Variants in DLG2 observed in about 807,000 individuals in gnomAD.
DLG2 encodes the protein disks large homolog 2.
DLG2 carries 45 observed loss-of-function variants against 132.5 expected under a neutral mutation model. The observed-to-expected ratio is 0.34, with a 90% CI of 0.27 to 0.44. The LOEUF is 0.44. DLG2 is among the 20% of genes least tolerant of loss of function. The pLI, the probability that DLG2 is intolerant of heterozygous loss-of-function variation, is 1.00. For missense variants in DLG2, 1,045 were observed against 1,196.9 expected, an observed-to-expected ratio of 0.87 and a Z score of 1.87; for synonymous variants, 424 against 419.6, an observed-to-expected ratio of 1.01 and a Z score of -0.13.
intron 3 of DLG2, among the ~76,000 whole-genome samples, chr11:85,361,574 T>G (rs1231877984): frequency 6.6e-6 from 1 of 152,240 alleles, no homozygotes. Context: ...TATCTGTTTC[T>G]GAGTTATTTC....
chr11:84,432,884 T>G (rs1450780930), intron 7 of DLG2, among the ~76,000 whole-genome samples: 1 of 152,012 alleles, frequency 6.6e-6, no homozygotes, highest in Non-Finnish European at 1.5e-5. Context: ...ATTAGTCAGC[T>G]GTGGTGGCAC....
chr11:83,722,054 C>CT (rs1251598318), intron 18 of DLG2, among the ~76,000 whole-genome samples: 3 of 152,066 alleles, frequency 2.0e-5, no homozygotes, highest in Admixed American at 6.6e-5. Context: ...TCCAACTACT[C>CT]TTTTTTCCAA....
At chr11:85,434,597 ACATATACCCTCC>A (rs1435158091) in intron 3 of DLG2, among the ~76,000 whole-genome samples, 9 of 152,216 alleles carry the variant, frequency 5.9e-5, no homozygotes, top group Admixed American at 5.9e-4. Context: ...ATTCCTGGAC[ACATATACCCTCC>A]CAAGAGTAAA....
At position 83,860,273 on chromosome 11, in the gene DLG2, C is replaced by T. The variant is rs114831062; in HGVS notation, c.1565+14147G>A. On this transcript the variant is annotated intron_variant, in intron 16 of 27. Transcript: ENST00000376104. The stretch of plus-strand genomic sequence containing the variant: ...GTTTGCATTATGCGCCTGAAGAAAC[C>T]GCAGACACTCAATACCAGCCCATGA... Among the ~76,000 whole-genome samples, 622 of 152,184 alleles carry T rather than the reference C, an allele frequency of 4.1e-3. 3 individuals carry two copies. The highest frequency in any genetic ancestry group is 0.014 in the African/African-American group (590 of 41,530).
At chr11:83,691,868 T>C (rs1314753913) in intron 18 of DLG2, among the ~76,000 whole-genome samples, 1 of 152,202 alleles carries the variant, frequency 6.6e-6, no homozygotes, top group East Asian at 1.9e-4. Flanking sequence ...ATAATTTCTG[T>C]GGCTGCCCAA....
chr11:84,600,127 A>AGAAAGAAAGAAAGAAG (rs1481902379), intron 6 of DLG2, among the ~76,000 whole-genome samples: 1 of 127,374 alleles, frequency 7.9e-6, no homozygotes, highest in Non-Finnish European at 1.7e-5. Flanking sequence ...GGAAAGAAAG[A>AGAAAGAAAGAAAGAAG]GAAAGAAAGA....
chr11:85,046,377 T>C (rs560487850), intron 6 of DLG2, among the ~76,000 whole-genome samples: 8 of 151,966 alleles, frequency 5.3e-5, no homozygotes, highest in Non-Finnish European at 8.8e-5. Context: ...AGCATAGAAA[T>C]GGAATTATGA....
rs150458714 is a variant in DLG2 at position 85,488,166 on chromosome 11, G to A, written c.40+110491C>T. Among the ~76,000 whole-genome samples, 672 of 152,266 alleles carry A rather than the reference G, an allele frequency of 4.4e-3. 9 individuals are homozygous for A. The highest frequency in any genetic ancestry group is 0.015 in the African/African-American group (608 of 41,564). ...AACACTTTGGGAGGCTGAAGTGGGC[G>A]GATCACGAGGTCAGGAGTTTAAGAC... On this transcript the variant is annotated intron_variant, in intron 3 of 27. Transcript: ENST00000376104.
intron 3 of DLG2, among the ~76,000 whole-genome samples, chr11:85,430,991 A>G (rs758054820): frequency 3.9e-5 from 6 of 152,140 alleles, no homozygotes; most frequent in Non-Finnish European, 8.8e-5. Context: ...GAAACAGAAA[A>G]ACAGTGTAAA....
chr11:84,378,666 C>G (rs757895138), intron 7 of DLG2, among the ~76,000 whole-genome samples: 17 of 151,816 alleles, frequency 1.1e-4, no homozygotes, highest in African/African-American at 1.7e-4. Flanking sequence ...CGCGGTGGCT[C>G]ACACCTGTAA....
chr11:83,538,915 A>AT (rs1379468072), intron 20 of DLG2, among the ~76,000 whole-genome samples: 1 of 152,094 alleles, frequency 6.6e-6, no homozygotes, highest in Admixed American at 6.6e-5. Context: ...GCTAGCTCTT[A>AT]TTTTTGTATC....
rs1269877302 is a variant in DLG2, at chr11:85,554,578, A to G, written c.40+44079T>C. The stretch of plus-strand genomic sequence containing the variant: ...TAGTTCATAGCTTGGCTTTGAAGGA[A>G]GGAAGACAACAGTCCCTCCCTAAAA... On this transcript the variant is annotated intron_variant, in intron 3 of 27. Transcript: ENST00000376104. 2.0e-5 allele frequency among the ~76,000 whole-genome samples: 3 copies of G among 151,868 alleles called. No individual in the cohort carries two copies. The East Asian group carries it at 5.8e-4, about 29-fold the overall frequency.
In DLG2 at chr11:83,930,453, G is replaced by A; in HGVS notation, c.1371C>T (p.Asn457=). 1 of 1,614,078 alleles carries A rather than the reference G, an allele frequency of 6.2e-7. No homozygotes were observed. The highest frequency in any genetic ancestry group is 1.1e-5 in the South Asian group (1 of 91,080). ...RPPEPVYSTV[N]KLCDKPASPR... is the part of the protein sequence containing the mutation. The stretch of plus-strand genomic sequence containing the variant: ...GAGAAGCAGGCTTATCACATAGTTT[G>A]TTCACAGTGCTGTAAACAGGTTCCG... Residue 457 remains asparagine (N), a synonymous_variant, in exon 15 of 28, where the codon AAC becomes AAT. Transcript: ENST00000376104.
intron 15 of DLG2, among the ~76,000 whole-genome samples, chr11:83,903,803 T>C (rs2074067379): frequency 6.6e-6 from 1 of 152,180 alleles, no homozygotes; most frequent in Non-Finnish European, 1.5e-5. Flanking sequence ...ACATAAATTA[T>C]TGTGGATTAT....
chr11:84,009,005 C>T (rs2094730821), intron 11 of DLG2, among the ~76,000 whole-genome samples: 1 of 151,470 alleles, frequency 6.6e-6, no homozygotes, highest in East Asian at 1.9e-4. Flanking sequence ...CTTCTTGATG[C>T]TCCATACCTA....
intron 18 of DLG2, among the ~76,000 whole-genome samples, chr11:83,707,575 G>A (rs2084336521): frequency 6.6e-6 from 1 of 152,224 alleles, no homozygotes; most frequent in Non-Finnish European, 1.5e-5. Context: ...TGAGGCTGAG[G>A]CAAGAGAATC....
rs975156992 is a variant in DLG2, at chr11:84,428,275, T to A, written c.519+106295A>T. 4.6e-5 allele frequency among the ~76,000 whole-genome samples: 7 copies of A among 152,182 alleles called. No homozygotes were observed. In the East Asian group the frequency reaches 1.4e-3, roughly 29 times the overall value. On this transcript the variant is annotated intron_variant, in intron 7 of 27. Coordinates refer to ENST00000376104, the MANE Select transcript of DLG2 (RefSeq NM_001142699.3). The stretch of plus-strand genomic sequence containing the variant: ...TGTGTTTATCAGAACTTACATATTT[T>A]GAATAAAAAAGAACACTATTTCTAC...
chr11:84,732,712 T>TATACATGTGCC (rs1402569841), intron 6 of DLG2, among the ~76,000 whole-genome samples: 1 of 152,082 alleles, frequency 6.6e-6, no homozygotes, highest in Non-Finnish European at 1.5e-5. Flanking sequence ...GTTATGTATG[T>TATACATGTGCC]ATACATGTGC....
intron 6 of DLG2, among the ~76,000 whole-genome samples, chr11:84,892,491 G>C (rs2089557236): frequency 6.6e-6 from 1 of 151,940 alleles, no homozygotes; most frequent in Non-Finnish European, 1.5e-5. Context: ...TTGCTGGATG[G>C]ATTAATAAAT....
Sources: allele counts gnomAD v4.1 joint callset (sites outside exome capture counted in the v4.1 genomes callset), GRCh38; gene constraint gnomAD v4.1.1; transcripts MANE v1.5; gene names NCBI Gene and HGNC (gene_info 2026-07-23, HGNC 2026-07-21).